The following CREB5 variants were observed in gnomAD, a reference collection of about 807,000 sequenced individuals.
CREB5 encodes cyclic AMP-responsive element-binding protein 5.
A neutral mutation model predicts 57.1 loss-of-function variants in CREB5; 19 were observed. The observed-to-expected ratio is 0.33, with a 90% CI of 0.23 to 0.49. The LOEUF (loss-of-function observed/expected upper bound fraction) is 0.49. CREB5 is among the 20% of genes least tolerant of loss of function. The probability of loss-of-function intolerance (pLI) is 0.99; values close to 1 mark genes in which losing one functional copy is unlikely to be tolerated. For synonymous variants in CREB5, 238 were observed against 238.3 expected, an observed-to-expected ratio of 1.00 and a Z score of 0.01; for missense variants, 579 against 671.6, an observed-to-expected ratio of 0.86 and a Z score of 1.52.
intron 4 of CREB5, among the ~76,000 whole-genome samples, chr7:28,538,674 A>G (rs1048044787): frequency 6.6e-6 from 1 of 152,140 alleles, no homozygotes; most frequent in East Asian, 1.9e-4. Flanking sequence ...ACTTCTTAAG[A>G]TGGATACTTC....
intron 5 of CREB5, among the ~76,000 whole-genome samples, chr7:28,572,813 AG>A (rs1268295258): frequency 6.6e-6 from 1 of 152,158 alleles, no homozygotes; most frequent in African/African-American, 2.4e-5. Context: ...GCCTGGATGG[AG>A]GCGGGTGTTT....
intron 1 of CREB5, among the ~76,000 whole-genome samples, chr7:28,467,825 A>T (rs947564930): frequency 9.9e-5 from 15 of 152,172 alleles, no homozygotes; most frequent in South Asian, 2.1e-4. Context: ...CTGCAGAAGG[A>T]ACTTCTTCAG....
intron 7 of CREB5, among the ~76,000 whole-genome samples, chr7:28,752,819 T>C (rs1435188184): frequency 6.6e-6 from 1 of 152,152 alleles, no homozygotes; most frequent in African/African-American, 2.4e-5. Context: ...ACAGCAGAAT[T>C]TCTCTTACCT....
chr7:28,507,591 A>G (rs1792531651), intron 3 of CREB5, 25 bp from the exon 4 acceptor site: 1 of 1,591,432 alleles, frequency 6.3e-7, no homozygotes, highest in African/African-American at 1.3e-5. Context: ...AGACCCATTT[A>G]TGAGCTCTCC....
intron 5 of CREB5, among the ~76,000 whole-genome samples, chr7:28,666,035 C>G (rs1799810323): frequency 6.6e-6 from 1 of 151,838 alleles, no homozygotes. Context: ...TGTCTTTTTT[C>G]ATTTCATCTC....
At chr7:28,526,953 G>A (rs1025369059) in intron 4 of CREB5, among the ~76,000 whole-genome samples, 1 of 152,186 alleles carries the variant, frequency 6.6e-6, no homozygotes, top group South Asian at 2.1e-4. Flanking sequence ...GTGACAGCAG[G>A]TGCTGGACAC....
intron 5 of CREB5, among the ~76,000 whole-genome samples, chr7:28,684,971 G>A (rs779163860): frequency 3.9e-5 from 6 of 152,102 alleles, no homozygotes; most frequent in Non-Finnish European, 8.8e-5. Context: ...TGTGAAGTGA[G>A]GGGTAGAATT....
intron 1 of CREB5, among the ~76,000 whole-genome samples, chr7:28,355,752 G>A (rs369417284): frequency 1.1e-4 from 17 of 152,232 alleles, no homozygotes; most frequent in African/African-American, 3.6e-4. Flanking sequence ...ACTACCTGCC[G>A]CATTTTTATG....
intron 4 of CREB5, among the ~76,000 whole-genome samples, chr7:28,520,706 TC>T (rs1324628251): frequency 6.6e-6 from 1 of 152,268 alleles, no homozygotes; most frequent in African/African-American, 2.4e-5. Flanking sequence ...CTTGGCAGTC[TC>T]TTCAGAGCAC....
At chr7:28,716,987 A>G (rs962617679) in intron 5 of CREB5, among the ~76,000 whole-genome samples, 4 of 152,036 alleles carry the variant, frequency 2.6e-5, no homozygotes, top group South Asian at 2.1e-4. Flanking sequence ...AGCTGCTTCC[A>G]TTAGCCTCTC....
At chr7:28,317,810 G>T (rs994840094) in intron 1 of CREB5, among the ~76,000 whole-genome samples, 3 of 152,168 alleles carry the variant, frequency 2.0e-5, no homozygotes, top group African/African-American at 7.2e-5. Context: ...CTTCATTTCA[G>T]CTCTAAGCAC....
intron 5 of CREB5, among the ~76,000 whole-genome samples, chr7:28,683,573 A>G (rs778029061): frequency 1.1e-4 from 17 of 152,032 alleles, no homozygotes; most frequent in Non-Finnish European, 2.2e-4. Context: ...GAAACACTGT[A>G]CCCATTGGCG....
intron 5 of CREB5, chr7:28,615,791 G>T (rs970343374): frequency 1.3e-5 from 2 of 152,268 alleles, no homozygotes; most frequent in African/African-American, 4.8e-5. Context: ...CCTTGGCCTT[G>T]CCTCTGTGGT....
chr7:28,682,092 C>G (rs1800625139), intron 5 of CREB5, among the ~76,000 whole-genome samples: 2 of 152,178 alleles, frequency 1.3e-5, no homozygotes, highest in African/African-American at 2.4e-5. Context: ...GGTTTTGACA[C>G]AGGAAAGGCC....
intron 4 of CREB5, among the ~76,000 whole-genome samples, chr7:28,525,749 G>T (rs1021166737): frequency 6.6e-6 from 1 of 152,110 alleles, no homozygotes; most frequent in Non-Finnish European, 1.5e-5. Flanking sequence ...CCAGTAGTGT[G>T]TGTGTATGTG....
At position 28,612,046 on chromosome 7, in the gene CREB5, A is replaced by G. The variant is rs192298587; in HGVS notation, c.464+41509A>G. 3.3e-5 allele frequency among the ~76,000 whole-genome samples: 5 copies of G among 152,240 alleles called. No homozygotes were observed. The East Asian group carries it at 9.7e-4, about 29-fold the overall frequency. On this transcript the variant is annotated intron_variant, in intron 5 of 10. Transcript: ENST00000357727. ...GACACCACGTAGTCAGCTCCAACCT[A>G]TGAGCTCATGATGCCAGGAAAGCTG...
chr7:28,606,025 A>G (rs1254649390), intron 5 of CREB5, among the ~76,000 whole-genome samples: 2 of 152,240 alleles, frequency 1.3e-5, no homozygotes, highest in Non-Finnish European at 2.9e-5. Flanking sequence ...ATGCAATTTT[A>G]TCTCAATAAA....
chr7:28,302,927 A>G (rs1166374543), intron 1 of CREB5, among the ~76,000 whole-genome samples: 1 of 152,218 alleles, frequency 6.6e-6, no homozygotes, highest in Non-Finnish European at 1.5e-5. Flanking sequence ...TCACAGAATG[A>G]TGGCGGAATA....
At chr7:28,479,779 A>C (rs889271145) in intron 1 of CREB5, among the ~76,000 whole-genome samples, 1 of 152,196 alleles carries the variant, frequency 6.6e-6, no homozygotes, top group Non-Finnish European at 1.5e-5. Flanking sequence ...AGAGGAAGTC[A>C]GTAGTGGTAA....
Sources: gnomAD v4.1 joint callset for allele counts (sites outside exome capture counted in the v4.1 genomes callset) on GRCh38, gnomAD v4.1.1 for gene constraint, MANE v1.5 for transcripts, NCBI Gene and HGNC (gene_info 2026-07-23, HGNC 2026-07-21) for gene names.